The following LRMDA variants were observed in gnomAD, a reference collection of about 807,000 sequenced individuals.
LRMDA encodes leucine rich melanocyte differentiation associated.
LRMDA carries 18 observed loss-of-function variants against 29.8 expected under a neutral mutation model. The observed-to-expected ratio is 0.60, with a 90% CI of 0.42 to 0.90. The LOEUF (loss-of-function observed/expected upper bound fraction) is 0.90, where lower values mean the gene tolerates loss of function less well. Ranked by LOEUF, LRMDA falls within the 40% of genes least tolerant of loss-of-function variation. The probability of loss-of-function intolerance (pLI) is 0.00; values close to 1 mark genes in which losing one functional copy is unlikely to be tolerated. For missense variants in LRMDA, 273 were observed against 273.9 expected, an observed-to-expected ratio of 1.00 and a Z score of 0.02; for synonymous variants, 125 against 109.4, an observed-to-expected ratio of 1.14 and a Z score of -0.89.
At chr10:76,300,412 G>A (rs998404236) in intron 5 of LRMDA, among the ~76,000 whole-genome samples, 2 of 152,194 alleles carry the variant, frequency 1.3e-5, no homozygotes, top group East Asian at 3.8e-4. Flanking sequence ...CATTGATCAT[G>A]GTAGGAAAGC....
At chr10:76,254,302 T>TACTATACCATACCATACCAC (rs1173563992) in intron 5 of LRMDA, among the ~76,000 whole-genome samples, 1 of 144,742 alleles carries the variant, frequency 6.9e-6, no homozygotes, top group African/African-American at 2.7e-5. Flanking sequence ...TACTATACTA[T>TACTATACCATACCATACCAC]ACCATACCAT....
chr10:76,472,371 C>T (rs1842626694), intron 6 of LRMDA, among the ~76,000 whole-genome samples: 1 of 151,646 alleles, frequency 6.6e-6, no homozygotes, highest in South Asian at 2.1e-4. Context: ...GAAAAAGACA[C>T]ACAACATACC....
intron 5 of LRMDA, among the ~76,000 whole-genome samples, chr10:76,194,244 T>C (rs988938927): frequency 6.6e-6 from 1 of 152,160 alleles, no homozygotes; most frequent in African/African-American, 2.4e-5. Context: ...CAGGATAAGA[T>C]TTGTGTTTTG....
chr10:76,154,467 A>G (rs1030423786), intron 5 of LRMDA, among the ~76,000 whole-genome samples: 12 of 152,268 alleles, frequency 7.9e-5, no homozygotes, highest in African/African-American at 2.9e-4. Context: ...GATGACTTGC[A>G]GTGAAGGAGG....
intron 5 of LRMDA, among the ~76,000 whole-genome samples, chr10:76,177,625 T>TAA (rs145882342): frequency 4.6e-5 from 7 of 152,016 alleles, no homozygotes; most frequent in African/African-American, 1.7e-4. Context: ...TCTAAGTAGA[T>TAA]AAAAAAAATC....
rs1017146442 is a variant in LRMDA, at chr10:76,147,090, C to T, written c.516+88307C>T. Among the ~76,000 whole-genome samples the T allele has an allele frequency of 1.8e-4, 27 of 152,210 alleles. No individual in the cohort carries two copies. In the South Asian group the frequency reaches 2.3e-3, roughly 13 times the overall value. Reference sequence around the variant, plus strand: ...GATGGGCTTCCCTTTGTGGGTAACCCGACCTTTCTCTCTGGCTGCCCTTAA... The same window carrying T: ...GATGGGCTTCCCTTTGTGGGTAACCTGACCTTTCTCTCTGGCTGCCCTTAA... On this transcript the variant is annotated intron_variant, in intron 5 of 6. Coordinates refer to ENST00000611255, the MANE Select transcript of LRMDA (RefSeq NM_001305581.2).
chr10:76,042,715 T>G (rs1455936346), intron 3 of LRMDA, among the ~76,000 whole-genome samples: 2 of 152,220 alleles, frequency 1.3e-5, no homozygotes, highest in East Asian at 3.8e-4. Flanking sequence ...ATAGTTTCAT[T>G]ATTTGGTGAA....
At chr10:75,577,206 G>T (rs1393168110) in intron 2 of LRMDA, among the ~76,000 whole-genome samples, 1 of 152,094 alleles carries the variant, frequency 6.6e-6, no homozygotes, top group Non-Finnish European at 1.5e-5. Context: ...TGACCTGATG[G>T]AGCTGAAAAA....
intron 2 of LRMDA, among the ~76,000 whole-genome samples, chr10:76,023,481 G>A (rs1848011714): frequency 6.6e-6 from 1 of 152,160 alleles, no homozygotes; most frequent in African/African-American, 2.4e-5. Flanking sequence ...GTCTCATGCT[G>A]AACTTTTTAC....
chr10:75,802,231 T>C (rs1843761144), intron 2 of LRMDA, among the ~76,000 whole-genome samples: 1 of 152,068 alleles, frequency 6.6e-6, no homozygotes, highest in African/African-American at 2.4e-5. Context: ...GGTGGGAGGA[T>C]AACTTGAACC....
At chr10:75,974,740 T>A (rs2132442554) in intron 2 of LRMDA, among the ~76,000 whole-genome samples, 1 of 152,278 alleles carries the variant, frequency 6.6e-6, no homozygotes, top group African/African-American at 2.4e-5. Flanking sequence ...AAGGAAGGAT[T>A]CTATGCTCCT....
intron 2 of LRMDA, among the ~76,000 whole-genome samples, chr10:75,803,865 C>T (rs929497350): frequency 3.3e-5 from 5 of 152,232 alleles, no homozygotes; most frequent in Admixed American, 6.5e-5. Flanking sequence ...GAGTGGGACA[C>T]ATCTCTTTCC....
intron 5 of LRMDA, among the ~76,000 whole-genome samples, chr10:76,275,914 T>C (rs1345144813): frequency 6.6e-6 from 1 of 152,114 alleles, no homozygotes; most frequent in Non-Finnish European, 1.5e-5. Context: ...TGTTTTCCTG[T>C]TTTCCAGGTT....
intron 5 of LRMDA, among the ~76,000 whole-genome samples, chr10:76,212,267 A>G (rs1180162684): frequency 7.1e-6 from 1 of 141,826 alleles, no homozygotes; most frequent in African/African-American, 2.9e-5. Context: ...ACACACACAC[A>G]TAAAAAAAAA....
Position 76,021,470 on chromosome 10 carries a change from C to T in LRMDA, c.132-14538C>T, listed in dbSNP as rs531424787. ...AAAGCATCAGGCTCATTCTTACCTA[C>T]AGACAACCCATGGTGATCCTAAGTC... On this transcript the variant is annotated intron_variant, in intron 2 of 6. Transcript: ENST00000611255. Among the ~76,000 whole-genome samples, 13 of 152,306 alleles carry T rather than the reference C, an allele frequency of 8.5e-5. No individual in the cohort carries two copies. The South Asian group carries it at 2.5e-3, about 29-fold the overall frequency.
intron 6 of LRMDA, among the ~76,000 whole-genome samples, chr10:76,545,076 G>A (rs576759658): frequency 2.6e-5 from 4 of 152,106 alleles, no homozygotes; most frequent in African/African-American, 7.2e-5. Context: ...AAGTAAGGAA[G>A]GCCTTTTCCC....
chr10:75,972,411 A>G (rs1846990976), intron 2 of LRMDA, among the ~76,000 whole-genome samples: 1 of 152,182 alleles, frequency 6.6e-6, no homozygotes, highest in South Asian at 2.1e-4. Flanking sequence ...TCCTATTCAT[A>G]TAAAAGACTG....
chr10:75,981,817 A>C (rs1847176116), intron 2 of LRMDA, among the ~76,000 whole-genome samples: 1 of 146,468 alleles, frequency 6.8e-6, no homozygotes. Flanking sequence ...ACACCACTGC[A>C]CTCCGGCCTG....
At chr10:75,999,441 T>C (rs894669502) in intron 2 of LRMDA, among the ~76,000 whole-genome samples, 2 of 152,214 alleles carry the variant, frequency 1.3e-5, no homozygotes, top group Admixed American at 1.3e-4. Flanking sequence ...AGAATTTTTT[T>C]CCCCTGTCTA....
Sources: allele counts gnomAD v4.1 joint callset (sites outside exome capture counted in the v4.1 genomes callset), GRCh38; gene constraint gnomAD v4.1.1; transcripts MANE v1.5; gene names NCBI Gene and HGNC (gene_info 2026-07-23, HGNC 2026-07-21).